Variants in LMLN observed in about 807,000 individuals in gnomAD.
LMLN encodes the protein leishmanolysin-like peptidase.
Under a neutral mutation model 92.3 loss-of-function variants are expected in LMLN, and 70 were observed. That is an observed-to-expected ratio of 0.76 (90% CI 0.63 to 0.92). LMLN has a LOEUF of 0.92. Among genes scored for constraint, LMLN ranks in the 40% least tolerant of loss-of-function variants. The pLI is 0.00. For synonymous variants in LMLN, 308 were observed against 296.2 expected (o/e 1.04, Z -0.41); for missense variants, 691 against 814.6 (o/e 0.85, Z 1.85).
At chr3:198,000,419 C>T (rs142672328) in intron 11 of LMLN, among the ~76,000 whole-genome samples, 4 of 152,190 alleles carry the variant, frequency 2.6e-5, no homozygotes, top group African/African-American at 9.6e-5. Flanking sequence ...AGCATTTAAA[C>T]ATATAGAGGT....
At chr3:197,976,646 G>C (rs746310580) in exon 5 of LMLN, 8 of 1,600,256 alleles carry the variant, frequency 5.0e-6, no homozygotes, top group Non-Finnish European at 6.8e-6. Context: ...ATCCTCACAG[G>C]TACTGCACCG....
chr3:197,971,903 A>G (rs978862781), intron 1 of LMLN, among the ~76,000 whole-genome samples: 3 of 127,278 alleles, frequency 2.4e-5, no homozygotes, highest in East Asian at 2.3e-4. Context: ...CTAATTACCT[A>G]TCTGCTAGAC....
chr3:197,972,737 T>G (rs1721264509), intron 1 of LMLN, among the ~76,000 whole-genome samples: 1 of 152,120 alleles, frequency 6.6e-6, no homozygotes, highest in African/African-American at 2.4e-5. Flanking sequence ...TTAACTTAAC[T>G]GTATTCAAAA....
At chr3:198,041,087 A>G (rs1017725593) in exon 16 of LMLN, 1 of 152,296 alleles carries the variant, frequency 6.6e-6, no homozygotes, top group African/African-American at 2.4e-5. Flanking sequence ...GCAAAGCAAC[A>G]TAATTACTAA....
chr3:197,996,359 G>T, intron 10 of LMLN, 77 bp downstream of exon 10: 1 of 935,134 alleles, frequency 1.1e-6, no homozygotes. Flanking sequence ...TATTCAAGCA[G>T]GTTATAAACT....
chr3:197,973,376 G>A (rs1721284007), intron 1 of LMLN, among the ~76,000 whole-genome samples: 1 of 151,874 alleles, frequency 6.6e-6, no homozygotes, highest in Non-Finnish European at 1.5e-5. Context: ...CAAGTAGCTG[G>A]GACTACAGGC....
intron 13 of LMLN, among the ~76,000 whole-genome samples, chr3:198,023,692 AAG>A (rs1358901017): frequency 3.3e-5 from 5 of 152,352 alleles, no homozygotes; most frequent in Non-Finnish European, 4.4e-5. Flanking sequence ...ACTTATTGTA[AAG>A]AGTCTAAAGA....
intron 5 of LMLN, 56 bp from the exon 6 acceptor site, chr3:197,980,270 C>A: frequency 7.0e-7 from 1 of 1,424,378 alleles, no homozygotes; most frequent in Non-Finnish European, 9.7e-7. Flanking sequence ...AGATTAAATG[C>A]CACTACAGCT....
At chr3:197,972,583 TC>T (rs1435550701) in intron 1 of LMLN, among the ~76,000 whole-genome samples, 2 of 152,158 alleles carry the variant, frequency 1.3e-5, no homozygotes, top group East Asian at 3.8e-4. Flanking sequence ...CCCTGCTTTT[TC>T]CCCCATTGTG....
chr3:198,041,540 G>A lies in LMLN; in HGVS notation c.*2873G>A, dbSNP rs1030221567. ...CCTCATTAGGTATCTGTAAATATCC[G>A]AAATCCAAAAAAAAGTCTGAAATCT... On this transcript the variant is annotated 3_prime_UTR_variant, in exon 16 of 16. Coordinates refer to ENST00000330198, the Ensembl canonical transcript of LMLN. 7.2e-5 allele frequency: 11 copies of A among 152,092 alleles called. No homozygotes were observed. In the East Asian group the frequency reaches 1.2e-3, roughly 16 times the overall value. 9.4% of individuals were successfully genotyped at this position (152,092 alleles called of 1,614,324 possible).
intron 11 of LMLN, among the ~76,000 whole-genome samples, chr3:198,014,279 C>T (rs1275042432): frequency 4.3e-5 from 6 of 140,424 alleles, no homozygotes; most frequent in East Asian, 2.2e-4. Context: ...TTCTCTCCAC[C>T]CTTCAGAGTC....
chr3:198,023,572 A>G (rs919920047), intron 13 of LMLN, among the ~76,000 whole-genome samples: 1 of 152,208 alleles, frequency 6.6e-6, no homozygotes, highest in Non-Finnish European at 1.5e-5. Context: ...TTTTATTCTA[A>G]TTTGCATTTT....
At chr3:197,986,013 G>A (rs1297746520) in intron 8 of LMLN, 123 bp downstream of exon 8, 8 of 629,336 alleles carry the variant, frequency 1.3e-5, no homozygotes, top group Non-Finnish European at 1.6e-5. Context: ...TAAGGAAATT[G>A]TAGATATTAA....
chr3:197,985,647 T>C lies in LMLN; in HGVS notation c.835-149T>C, dbSNP rs538241583. 2.1e-5 allele frequency: 10 copies of C among 481,630 alleles called. No homozygotes were observed. In the East Asian group the frequency reaches 2.9e-4, roughly 14 times the overall value. 29.8% of individuals were successfully genotyped at this position (481,630 alleles called of 1,614,324 possible). On this transcript the variant is annotated intron_variant, in intron 7 of 15. Coordinates refer to ENST00000330198, the Ensembl canonical transcript of LMLN. ...TTATAAATATGGAACACTTAATTGT[T>C]GTTCAATTCCAGCGTAGGAGAAGTT...
intron 14 of LMLN, among the ~76,000 whole-genome samples, chr3:198,026,294 C>T (rs1220343221): frequency 6.6e-6 from 1 of 151,640 alleles, no homozygotes; most frequent in Non-Finnish European, 1.5e-5. Flanking sequence ...ACATACCATA[C>T]AATTTATGTA....
chr3:197,965,659 A>G (rs1436667679), intron 1 of LMLN, among the ~76,000 whole-genome samples: 9 of 152,220 alleles, frequency 5.9e-5, no homozygotes, highest in Admixed American at 5.9e-4. Flanking sequence ...TCATGCCTAT[A>G]AGTCTAGCTC....
At chr3:197,967,659 T>G (rs1201138189) in intron 1 of LMLN, among the ~76,000 whole-genome samples, 2 of 152,100 alleles carry the variant, frequency 1.3e-5, no homozygotes, top group Non-Finnish European at 2.9e-5. Flanking sequence ...AAAACAGGGT[T>G]TGAGAGCAGA....
exon 1 of LMLN, chr3:197,960,240 C>A: frequency 6.2e-7 from 1 of 1,610,738 alleles, no homozygotes; most frequent in South Asian, 1.1e-5. Context: ...GACGCTCGGC[C>A]CGAAGATGGC....
At chr3:198,034,589 C>A (rs1723161086) in intron 14 of LMLN, among the ~76,000 whole-genome samples, 1 of 152,074 alleles carries the variant, frequency 6.6e-6, no homozygotes, top group South Asian at 2.1e-4. Context: ...CCAGCCTGGG[C>A]AACAGAGTGA....
Sources: allele counts gnomAD v4.1 joint callset (sites outside exome capture counted in the v4.1 genomes callset), GRCh38; gene constraint gnomAD v4.1.1; transcripts MANE v1.5; gene names NCBI Gene and HGNC (gene_info 2026-07-23, HGNC 2026-07-21).